CENPC: variants seen among roughly 807,000 people sequenced by gnomAD.
CENPC encodes the protein CENP-C 1.
In CENPC, 63 loss-of-function variants were observed where a neutral mutation model predicts 112.1. The observed-to-expected ratio is 0.56, with a 90% CI of 0.46 to 0.69. The LOEUF (loss-of-function observed/expected upper bound fraction) is 0.69. CENPC is among the 30% of genes least tolerant of loss of function. CENPC has a pLI of 0.00. For missense variants in CENPC, 1,000 were observed against 1,103.8 expected, an observed-to-expected ratio of 0.91 and a Z score of 1.33; for synonymous variants, 333 against 367.6, an observed-to-expected ratio of 0.91 and a Z score of 1.08.
At chr4:67,519,751 A>G (rs190403266) in intron 5 of CENPC, among the ~76,000 whole-genome samples, 1 of 152,326 alleles carries the variant, frequency 6.6e-6, no homozygotes, top group Admixed American at 6.5e-5. Flanking sequence ...GAATATAGAT[A>G]TAACAGATAT....
chr4:67,533,236 A>T (rs1726613681), intron 4 of CENPC, among the ~76,000 whole-genome samples: 1 of 152,076 alleles, frequency 6.6e-6, no homozygotes, highest in South Asian at 2.1e-4. Flanking sequence ...ACAAGATCTC[A>T]TGGGTTTATC....
chr4:67,476,500 GT>G (rs58141122), intron 17 of CENPC, among the ~76,000 whole-genome samples: 152,320 of 152,322 alleles, frequency 1, 76,159 homozygotes, highest in Middle Eastern at 1. Flanking sequence ...GAAGAGCCCT[GT>G]TAAGTACTCC....
At chr4:67,477,152 AGGCAACCTGT>A (rs567034824) in intron 17 of CENPC, among the ~76,000 whole-genome samples, 67 of 152,292 alleles carry the variant, frequency 4.4e-4, no homozygotes, top group African/African-American at 1.3e-3. Context: ...ATACTTACCC[AGGCAACCTGT>A]GGCAACCTTG....
chr4:67,470,482 G>C lies in CENPC; in HGVS notation c.*2123C>G, dbSNP rs1724626004. On this transcript the variant is annotated 3_prime_UTR_variant, in exon 19 of 19. Coordinates refer to ENST00000273853, the MANE Select transcript of CENPC (RefSeq NM_001812.4). ...AGCTACTCAGGAGGCTGACGCAGGA[G>C]AATTGCTTGAACCCGGGAGGTGGAG... 1 of 146,444 alleles carries C rather than the reference G, an allele frequency of 6.8e-6. No homozygotes were observed. The highest frequency in any genetic ancestry group is 1.5e-5 in the Non-Finnish European group (1 of 67,500). 9.1% of individuals were successfully genotyped at this position (146,444 alleles called of 1,614,324 possible). A position where few individuals can be genotyped will look rare whatever the true frequency, so the allele number is the denominator to read the frequency against.
rs527899618 is a variant in CENPC at position 67,483,265 on chromosome 4, C to T, written c.2670+6702G>A. 2.4e-3 allele frequency among the ~76,000 whole-genome samples: 369 copies of T among 151,760 alleles called. 3 individuals are homozygous for T. Among genetic ancestry groups the T allele is most frequent in the African/African-American group, 8.4e-3 (347 of 41,360 alleles). On this transcript the variant is annotated intron_variant, in intron 17 of 18. Transcript: ENST00000273853. Reference sequence around the variant, plus strand: ...CCCAGCTACTTGAGAGGCTGAGGCACGAGAATTGCTTGAACCCGGGAGGCA... The same window carrying T: ...CCCAGCTACTTGAGAGGCTGAGGCATGAGAATTGCTTGAACCCGGGAGGCA...
intron 5 of CENPC, among the ~76,000 whole-genome samples, 198 bp downstream of exon 5, chr4:67,530,617 G>C (rs1000539165): frequency 6.6e-6 from 1 of 152,052 alleles, no homozygotes; most frequent in South Asian, 2.1e-4. Flanking sequence ...ACTGACTAAA[G>C]GAAATGGAGA....
intron 4 of CENPC, among the ~76,000 whole-genome samples, chr4:67,536,958 A>T (rs1726735936): frequency 6.6e-6 from 1 of 150,536 alleles, no homozygotes; most frequent in African/African-American, 2.4e-5. Flanking sequence ...TCCTTAGCTT[A>T]GGGAGGATCA....
chr4:67,473,702 T>C (rs1350466659), intron 18 of CENPC, among the ~76,000 whole-genome samples: 1 of 152,012 alleles, frequency 6.6e-6, no homozygotes, highest in Non-Finnish European at 1.5e-5. Flanking sequence ...TAGGTGTGTA[T>C]CACCGTGCCT....
intron 11 of CENPC, among the ~76,000 whole-genome samples, chr4:67,506,383 T>C (rs1277373456): frequency 6.6e-6 from 1 of 152,166 alleles, no homozygotes; most frequent in African/African-American, 2.4e-5. Context: ...CACTGTGATA[T>C]CCATCATAGT....
intron 18 of CENPC, among the ~76,000 whole-genome samples, chr4:67,474,091 G>GTCTCAC (rs1724741568): frequency 6.6e-6 from 1 of 150,686 alleles, no homozygotes; most frequent in African/African-American, 2.4e-5. Context: ...TTGAGACCGA[G>GTCTCAC]TCTCACTCTG....
intron 7 of CENPC, 118 bp from the exon 8 acceptor site, chr4:67,514,805 T>A (rs1052240425): frequency 1.3e-5 from 13 of 999,670 alleles, no homozygotes; most frequent in Non-Finnish European, 1.7e-5. Flanking sequence ...ATATATCTCC[T>A]CAATTTTCCC....
At chr4:67,545,101 A>C (rs1726991838) in intron 1 of CENPC, among the ~76,000 whole-genome samples, 1 of 152,216 alleles carries the variant, frequency 6.6e-6, no homozygotes, top group African/African-American at 2.4e-5. Context: ...CTCAAGAGTA[A>C]GACGTAGGCA....
At chr4:67,473,338 T>C (rs1172695310) in intron 18 of CENPC, among the ~76,000 whole-genome samples, 3 of 152,172 alleles carry the variant, frequency 2.0e-5, no homozygotes, top group African/African-American at 7.2e-5. Context: ...TGTGACAGGC[T>C]TATTAGAATT....
intron 7 of CENPC, among the ~76,000 whole-genome samples, chr4:67,517,005 A>T (rs1726076208): frequency 6.6e-6 from 1 of 152,042 alleles, no homozygotes; most frequent in South Asian, 2.1e-4. Context: ...CAGACATTAT[A>T]TAATTAGCCC....
intron 7 of CENPC, among the ~76,000 whole-genome samples, chr4:67,516,009 G>A (rs1726048305): frequency 6.6e-6 from 1 of 151,978 alleles, no homozygotes; most frequent in Non-Finnish European, 1.5e-5. Flanking sequence ...GCCCAGTGTT[G>A]TAAAAGGCTA....
intron 9 of CENPC, 49 bp downstream of exon 9, chr4:67,512,353 C>T (rs1725915202): frequency 7.5e-7 from 1 of 1,338,340 alleles, no homozygotes; most frequent in African/African-American, 1.5e-5. Context: ...ATGCCCCTTA[C>T]AGAATGATTT....
At chr4:67,491,384 G>A (rs187026362) in intron 16 of CENPC, among the ~76,000 whole-genome samples, 1 of 143,536 alleles carries the variant, frequency 7.0e-6, no homozygotes, top group Non-Finnish European at 1.5e-5. Context: ...TCTGATATAG[G>A]ACAAACAGCC....
chr4:67,543,822 T>C (rs967881949), intron 2 of CENPC, among the ~76,000 whole-genome samples: 2 of 152,220 alleles, frequency 1.3e-5, no homozygotes, highest in Non-Finnish European at 1.5e-5. Flanking sequence ...ACTATTTTTC[T>C]TTTTGCCCCA....
At chr4:67,529,493 T>G (rs1726482084) in intron 5 of CENPC, among the ~76,000 whole-genome samples, 1 of 151,796 alleles carries the variant, frequency 6.6e-6, no homozygotes, top group South Asian at 2.1e-4. Flanking sequence ...GCCTGGCAAA[T>G]TTTGGTATTT....
Sources: gnomAD v4.1 joint callset for allele counts (sites outside exome capture counted in the v4.1 genomes callset) on GRCh38, gnomAD v4.1.1 for gene constraint, MANE v1.5 for transcripts, NCBI Gene and HGNC (gene_info 2026-07-23, HGNC 2026-07-21) for gene names.